Variants in DNAJC1 observed in about 807,000 individuals in gnomAD.
The protein encoded by DNAJC1 is dnaJ homolog subfamily C member 1.
A neutral mutation model predicts 76.6 loss-of-function variants in DNAJC1; 58 were observed. The observed-to-expected ratio is 0.76, with a 90% CI of 0.61 to 0.94. DNAJC1 has a LOEUF of 0.94. Among genes scored for constraint, DNAJC1 ranks in the 40% least tolerant of loss-of-function variants. The pLI is 0.00. For missense variants in DNAJC1, 689 were observed against 677.3 expected (o/e 1.02, Z -0.19); for synonymous variants, 258 against 267.9 (o/e 0.96, Z 0.36).
chr10:21,953,402 TTAA>T (rs1413769174), intron 1 of DNAJC1, among the ~76,000 whole-genome samples: 1 of 152,004 alleles, frequency 6.6e-6, no homozygotes, highest in Non-Finnish European at 1.5e-5. Flanking sequence ...TCAACAAATA[TTAA>T]TAATGATTTA....
chr10:21,773,803 AT>A (rs201344852), intron 9 of DNAJC1, among the ~76,000 whole-genome samples: 3,563 of 139,892 alleles, frequency 0.025, 79 homozygotes, highest in African/African-American at 0.063. Flanking sequence ...CTCTTTATTA[AT>A]TTTTTTTTTT....
Position 22,003,208 on chromosome 10 carries a change from CT to C in DNAJC1, c.222+4del. 1 of 1,547,300 alleles carries C rather than the reference CT, an allele frequency of 6.5e-7. No individual in the cohort carries two copies. Among genetic ancestry groups the C allele is most frequent in the Non-Finnish European group, 8.7e-7 (1 of 1,147,902 alleles). On this transcript the variant is annotated splice_donor_region_variant and intron_variant, in intron 1 of 11. Transcript: ENST00000376980. ...CCGCCCGGCCCCGCGCGCCTCCTTGCTTACCTGCTGCACCCCGAGGAACTGG... is the reference window on the plus strand; with the variant it reads ...CCGCCCGGCCCCGCGCGCCTCCTTGCTACCTGCTGCACCCCGAGGAACTGG...
chr10:21,882,380 T>G lies in DNAJC1; in HGVS notation c.880A>C (p.Thr294Pro). ...EFPVYTPLET[T>P]YIQSYDHGTS... is the part of the protein sequence containing the mutation. ...CCATGATCATAAGACTGAATATATGTAGTTTCTAAAGGTGTGTATACAGGA... is the reference window on the plus strand; with the variant it reads ...CCATGATCATAAGACTGAATATATGGAGTTTCTAAAGGTGTGTATACAGGA... Residue 294 changes from threonine (T) to proline (P), a missense_variant, in exon 8 of 12, where the codon ACA (threonine) becomes CCA (proline). Coordinates refer to ENST00000376980, the MANE Select transcript of DNAJC1 (RefSeq NM_022365.4). The G allele has an allele frequency of 6.3e-7, 1 of 1,597,178 alleles. No individual in the cohort carries two copies. Among genetic ancestry groups the G allele is most frequent in the East Asian group, 2.3e-5 (1 of 43,604 alleles).
In DNAJC1 at chr10:21,933,029, C is replaced by G. The variant is rs1837253224; in HGVS notation, c.223-3888G>C. The G allele has an allele frequency of 7.2e-5, 11 of 152,110 alleles. 1 individual carries two copies. In the South Asian group the frequency reaches 2.3e-3, roughly 32 times the overall value. The allele number at this position is 152,110 out of a possible 1,614,324, so 9.4% of individuals were successfully genotyped here. A position where few individuals can be genotyped will look rare whatever the true frequency, so the allele number is the denominator to read the frequency against. On this transcript the variant is annotated intron_variant, in intron 1 of 11. Coordinates refer to ENST00000376980, the MANE Select transcript of DNAJC1 (RefSeq NM_022365.4). ...AGGACACAAAAATATTTTTATAAAG[C>G]TGTTTTAAGCTAAGTGTTATTACAA...
intron 6 of DNAJC1, among the ~76,000 whole-genome samples, chr10:21,908,271 T>C (rs1022137237): frequency 2.1e-4 from 18 of 86,446 alleles, no homozygotes; most frequent in Non-Finnish European, 4.0e-4. Flanking sequence ...ATATATATTT[T>C]ATATATATAT....
chr10:21,826,917 T>C (rs1184729364), intron 8 of DNAJC1, among the ~76,000 whole-genome samples: 3 of 152,096 alleles, frequency 2.0e-5, no homozygotes, highest in Non-Finnish European at 4.4e-5. Flanking sequence ...TGTAGTAAGT[T>C]GCAAAAATCA....
Position 21,918,854 on chromosome 10 carries a change from C to T in DNAJC1, c.654G>A (p.Gln218=). 1.9e-6 allele frequency: 3 copies of T among 1,613,010 alleles called. 1 individual carries two copies. In the South Asian group the frequency reaches 3.3e-5, roughly 18 times the overall value. The stretch of plus-strand genomic sequence containing the variant: ...GTTTGCATGGAAGCAAATCATGCCA[C>T]TGTGGTTTCATCAGCAATCTAAAGG... ...EKNERLLMKP[Q]WHDLLPCKLG... Residue 218 remains glutamine (Q), a synonymous_variant, in exon 6 of 12, where the codon CAG becomes CAA. Coordinates refer to ENST00000376980, the MANE Select transcript of DNAJC1 (RefSeq NM_022365.4).
intron 7 of DNAJC1, among the ~76,000 whole-genome samples, chr10:21,900,786 G>A (rs534167763): frequency 2.6e-5 from 4 of 152,274 alleles, no homozygotes; most frequent in African/African-American, 4.8e-5. Flanking sequence ...ACATGCCTCC[G>A]CATAAGTTAT....
At chr10:21,946,986 C>T (rs920951214) in intron 1 of DNAJC1, among the ~76,000 whole-genome samples, 3 of 152,102 alleles carry the variant, frequency 2.0e-5, no homozygotes, top group Admixed American at 6.6e-5. Flanking sequence ...TCTCTCATGC[C>T]ATGGGATGAT....
chr10:21,764,832 CA>C (rs1367723876), intron 10 of DNAJC1, among the ~76,000 whole-genome samples: 1 of 152,158 alleles, frequency 6.6e-6, no homozygotes, highest in African/African-American at 2.4e-5. Context: ...TGGATGTGGC[CA>C]AATATCACAT....
rs979019358 is a variant in DNAJC1, at chr10:21,891,492, A to G, written c.821-9053T>C. Among the ~76,000 whole-genome samples, 501 of 150,202 alleles carry G rather than the reference A, an allele frequency of 3.3e-3. 4 individuals carry two copies. Among genetic ancestry groups the G allele is most frequent in the African/African-American group, 0.011 (458 of 41,046 alleles). On this transcript the variant is annotated intron_variant, in intron 7 of 11. Coordinates refer to ENST00000376980, the MANE Select transcript of DNAJC1 (RefSeq NM_022365.4). ...CAAAGTAGACAAAAAAAAAAAAAAAAAAAGAAAAGAAAAAAAAAAGAACAC... is the reference window on the plus strand; with the variant it reads ...CAAAGTAGACAAAAAAAAAAAAAAAGAAAGAAAAGAAAAAAAAAAGAACAC...
chr10:21,964,905 T>C (rs1321419687), intron 1 of DNAJC1, among the ~76,000 whole-genome samples: 2 of 152,200 alleles, frequency 1.3e-5, no homozygotes, highest in East Asian at 3.8e-4. Context: ...ATAATTTCTT[T>C]GTAGATAATC....
chr10:21,816,194 C>T (rs1021279954), intron 8 of DNAJC1, among the ~76,000 whole-genome samples: 12 of 147,002 alleles, frequency 8.2e-5, no homozygotes, highest in Admixed American at 2.7e-4. Context: ...ATGGTGAAAC[C>T]CTGTCTCTAC....
chr10:21,863,234 T>G (rs545407609), intron 8 of DNAJC1, among the ~76,000 whole-genome samples: 159 of 149,890 alleles, frequency 1.1e-3, no homozygotes, highest in Admixed American at 1.4e-3. Flanking sequence ...CAGAGAAAAA[T>G]AAATGAAACC....
At chr10:21,998,389 CAAA>C (rs60371730) in intron 1 of DNAJC1, among the ~76,000 whole-genome samples, 1 of 95,848 alleles carries the variant, frequency 1.0e-5, no homozygotes, top group Non-Finnish European at 2.0e-5. Flanking sequence ...GACTCCATCT[CAAA>C]AAAAAAAAAA....
At chr10:21,883,297 A>ACACACACCC (rs1836314219) in intron 7 of DNAJC1, among the ~76,000 whole-genome samples, 1 of 61,918 alleles carries the variant, frequency 1.6e-5, no homozygotes, top group Non-Finnish European at 4.0e-5. Context: ...CACACACACC[A>ACACACACCC]TTTTAACTGG....
At chr10:21,819,962 C>T (rs1338071527) in intron 8 of DNAJC1, among the ~76,000 whole-genome samples, 3 of 152,152 alleles carry the variant, frequency 2.0e-5, no homozygotes, top group Admixed American at 6.5e-5. Flanking sequence ...AATTAACTAG[C>T]ACACCATAAA....
chr10:21,917,937 T>C (rs189116830), intron 6 of DNAJC1, among the ~76,000 whole-genome samples: 6 of 151,882 alleles, frequency 4.0e-5, no homozygotes, highest in Admixed American at 2.6e-4. Flanking sequence ...TCAGGAAAAA[T>C]AGCTCTAATA....
chr10:21,970,778 T>TG (rs1837964238), intron 1 of DNAJC1, among the ~76,000 whole-genome samples: 1 of 151,976 alleles, frequency 6.6e-6, no homozygotes, highest in Non-Finnish European at 1.5e-5. Context: ...GATTATGGTA[T>TG]GAAAAAAAAG....
Sources: allele counts gnomAD v4.1 joint callset (sites outside exome capture counted in the v4.1 genomes callset), GRCh38; gene constraint gnomAD v4.1.1; transcripts MANE v1.5; gene names NCBI Gene and HGNC (gene_info 2026-07-23, HGNC 2026-07-21).